Variants in KCND2 observed in about 807,000 individuals in gnomAD.
KCND2 encodes the protein A-type voltage-gated potassium channel KCND2.
Under a neutral mutation model 54.4 loss-of-function variants are expected in KCND2, and 16 were observed. The ratio of observed to expected loss-of-function variants is 0.29; its 90% CI spans 0.20 to 0.45. KCND2 has a LOEUF of 0.45. KCND2 is among the 20% of genes least tolerant of loss of function. The probability of loss-of-function intolerance (pLI) is 1.00; values close to 1 mark genes in which losing one functional copy is unlikely to be tolerated. For missense variants in KCND2, 486 were observed against 824.2 expected (o/e 0.59, Z 5.02); for synonymous variants, 317 against 310.7 (o/e 1.02, Z -0.21).
Position 120,742,548 on chromosome 7 carries a change from C to T in KCND2, c.1413C>T (p.Gly471=), listed in dbSNP as rs1054570452. The change falls in exon 4 of 6, where the codon GGC becomes GGT. Residue 471 remains glycine (G), a synonymous_variant. Coordinates refer to ENST00000331113, the MANE Select transcript of KCND2 (RefSeq NM_012281.3). ...AGCAGGCTTTTGTTAGCAAATCCGG[C>T]TCCAGCTTTGAAACCCAGCACCACC... ...EDEQAFVSKS[G]SSFETQHHHL... 1.2e-6 allele frequency: 2 copies of T among 1,613,514 alleles called. No individual in the cohort carries two copies. The highest frequency in any genetic ancestry group is 4.5e-5 in the East Asian group (2 of 44,870).
chr7:120,324,867 T>G (rs980455411), intron 1 of KCND2, among the ~76,000 whole-genome samples: 1 of 146,028 alleles, frequency 6.8e-6, no homozygotes, highest in African/African-American at 2.5e-5. Context: ...GGGGATGGCA[T>G]TGAATCTGTA....
chr7:120,311,849 T>G (rs1382366586), intron 1 of KCND2, among the ~76,000 whole-genome samples: 1 of 152,212 alleles, frequency 6.6e-6, no homozygotes, highest in African/African-American at 2.4e-5. Context: ...GTTAGTTTGC[T>G]AAGGATAATG....
At chr7:120,662,017 C>G (rs914579629) in intron 1 of KCND2, among the ~76,000 whole-genome samples, 5 of 152,120 alleles carry the variant, frequency 3.3e-5, no homozygotes, top group African/African-American at 1.2e-4. Context: ...CTTTTTCAAC[C>G]TATTATAAAA....
chr7:120,329,884 A>G (rs762601014), intron 1 of KCND2, among the ~76,000 whole-genome samples: 8 of 152,166 alleles, frequency 5.3e-5, no homozygotes, highest in Non-Finnish European at 1.0e-4. Flanking sequence ...TTGTGCTGCA[A>G]ATTTGTCCAG....
chr7:120,619,647 C>T lies in KCND2; in HGVS notation c.1116-113256C>T, dbSNP rs572908782. Among the ~76,000 whole-genome samples, 3 of 152,206 alleles carry T rather than the reference C, an allele frequency of 2.0e-5. No individual in the cohort carries two copies. In the East Asian group the frequency reaches 5.8e-4, roughly 29 times the overall value. ...ACACTTAAGACACTAGAAAATCAAC[C>T]ACTGAGGTAATGAATAGTGTTTTGT... is the stretch of plus-strand genomic sequence containing the variant. On this transcript the variant is annotated intron_variant, in intron 1 of 5. Coordinates refer to ENST00000331113, the MANE Select transcript of KCND2 (RefSeq NM_012281.3).
chr7:120,278,605 A>C (rs1321259016), intron 1 of KCND2, among the ~76,000 whole-genome samples: 1 of 151,508 alleles, frequency 6.6e-6, no homozygotes, highest in Non-Finnish European at 1.5e-5. Context: ...AGTATTTTAG[A>C]CAATATTCAG....
At chr7:120,660,911 C>G (rs925810411) in intron 1 of KCND2, among the ~76,000 whole-genome samples, 3 of 152,146 alleles carry the variant, frequency 2.0e-5, no homozygotes, top group Non-Finnish European at 4.4e-5. Flanking sequence ...TAAGTCCTAT[C>G]TTAAATGAGG....
chr7:120,565,695 T>G (rs10258480), intron 1 of KCND2, among the ~76,000 whole-genome samples: 140,957 of 152,190 alleles, frequency 0.93, 65,866 homozygotes, highest in Middle Eastern at 0.99. Context: ...AGTGAAAAAG[T>G]GTCATGAGAC....
intron 1 of KCND2, among the ~76,000 whole-genome samples, chr7:120,492,334 A>G (rs1269430195): frequency 2.0e-5 from 3 of 152,102 alleles, no homozygotes; most frequent in Non-Finnish European, 4.4e-5. Flanking sequence ...ACTTGATGTA[A>G]TCTTCCTACT....
intron 1 of KCND2, among the ~76,000 whole-genome samples, chr7:120,567,439 G>T (rs973522612): frequency 3.3e-5 from 5 of 152,064 alleles, no homozygotes; most frequent in African/African-American, 1.2e-4. Flanking sequence ...CAGAAAAATA[G>T]CCTAGGATGG....
chr7:120,546,238 T>C (rs1277966432), intron 1 of KCND2, among the ~76,000 whole-genome samples: 1 of 151,942 alleles, frequency 6.6e-6, no homozygotes, highest in Non-Finnish European at 1.5e-5. Context: ...CAATATATGT[T>C]GATTGAACAC....
intron 1 of KCND2, among the ~76,000 whole-genome samples, chr7:120,436,234 T>C (rs1801864217): frequency 6.6e-6 from 1 of 152,210 alleles, no homozygotes; most frequent in Admixed American, 6.5e-5. Context: ...AAAAGTGAAG[T>C]ATGACATGGA....
intron 1 of KCND2, among the ~76,000 whole-genome samples, chr7:120,568,919 A>G (rs1360291880): frequency 6.6e-6 from 1 of 152,106 alleles, no homozygotes; most frequent in East Asian, 1.9e-4. Context: ...TCCCCTCGCA[A>G]TTCTTAGAAT....
At chr7:120,643,750 A>G (rs1299582615) in intron 1 of KCND2, among the ~76,000 whole-genome samples, 1 of 151,870 alleles carries the variant, frequency 6.6e-6, no homozygotes, top group East Asian at 1.9e-4. Flanking sequence ...ATATATACAC[A>G]CAGCACACTA....
chr7:120,725,327 C>T (rs1482886604), intron 1 of KCND2, among the ~76,000 whole-genome samples: 3 of 152,176 alleles, frequency 2.0e-5, no homozygotes, highest in Admixed American at 1.3e-4. Context: ...TGTGCCTTAG[C>T]GATACCTAGC....
intron 1 of KCND2, among the ~76,000 whole-genome samples, chr7:120,597,041 C>T (rs78993979): frequency 1.4e-3 from 209 of 152,302 alleles, no homozygotes; most frequent in Non-Finnish European, 2.5e-3. Context: ...CACACTTAAA[C>T]TTAATTACTA....
chr7:120,589,834 G>A (rs1164058617), intron 1 of KCND2, among the ~76,000 whole-genome samples: 1 of 152,078 alleles, frequency 6.6e-6, no homozygotes, highest in Non-Finnish European at 1.5e-5. Flanking sequence ...GGGGTTAATG[G>A]TAGTGCTAAC....
chr7:120,607,336 C>T (rs1792894234), intron 1 of KCND2, among the ~76,000 whole-genome samples: 1 of 152,056 alleles, frequency 6.6e-6, no homozygotes, highest in Non-Finnish European at 1.5e-5. Flanking sequence ...GCCTACTCTG[C>T]TATCCATGCT....
chr7:120,289,692 A>G (rs1365468141), intron 1 of KCND2, among the ~76,000 whole-genome samples: 1 of 152,046 alleles, frequency 6.6e-6, no homozygotes, highest in Non-Finnish European at 1.5e-5. Flanking sequence ...AACAGCAGCT[A>G]TTCTTTCCCT....
Sources: allele counts gnomAD v4.1 joint callset (sites outside exome capture counted in the v4.1 genomes callset), GRCh38; gene constraint gnomAD v4.1.1; transcripts MANE v1.5; gene names NCBI Gene and HGNC (gene_info 2026-07-23, HGNC 2026-07-21).